The following TNFSF4 variants were observed in gnomAD, a reference collection of about 807,000 sequenced individuals.
The protein encoded by TNFSF4 is tumor necrosis factor ligand superfamily member 4.
TNFSF4 carries 4 observed loss-of-function variants against 7.3 expected under a neutral mutation model. The ratio of observed to expected loss-of-function variants is 0.55; its 90% CI spans 0.27 to 1.25. The LOEUF (loss-of-function observed/expected upper bound fraction) is 1.25, where lower values mean the gene tolerates loss of function less well. TNFSF4 is among the 50% of genes most tolerant of loss of function. The pLI is 0.12. For missense variants in TNFSF4, 181 were observed against 208.8 expected (o/e 0.87, Z 0.82); for synonymous variants, 76 against 83.7 (o/e 0.91, Z 0.50).
At chr1:173,394,935 T>TAGAC in the TNFSF4 span, among the ~76,000 whole-genome samples, 1 of 150,342 alleles carries the variant, frequency 6.7e-6, no homozygotes, top group Admixed American at 6.6e-5. Context: ...GATAGATAGA[T>TAGAC]AGATAGATAG....
At chr1:173,250,283 G>T in the TNFSF4 span, among the ~76,000 whole-genome samples, 3 of 151,964 alleles carry the variant, frequency 2.0e-5, no homozygotes, top group African/African-American at 7.3e-5. Flanking sequence ...TGAATTCTTA[G>T]TTTAACTTAT....
the TNFSF4 span, among the ~76,000 whole-genome samples, chr1:173,360,604 G>A: frequency 6.6e-6 from 1 of 152,114 alleles, no homozygotes; most frequent in Non-Finnish European, 1.5e-5. Flanking sequence ...TACAAAAGGT[G>A]GATAGCTGGA....
the TNFSF4 span, among the ~76,000 whole-genome samples, chr1:173,216,211 G>A: frequency 2.0e-5 from 3 of 152,102 alleles, no homozygotes; most frequent in African/African-American, 7.2e-5. Flanking sequence ...CATCAGCAGG[G>A]TAGGAATCCC....
chr1:173,439,696 GCTGT>G, the TNFSF4 span, among the ~76,000 whole-genome samples: 7 of 152,276 alleles, frequency 4.6e-5, no homozygotes, highest in East Asian at 7.7e-4. Context: ...AGGGACACAG[GCTGT>G]CTAAGTCAAC....
intron 2 of TNFSF4, among the ~76,000 whole-genome samples, chr1:173,187,185 G>A (rs1352736973): frequency 6.6e-6 from 1 of 152,172 alleles, no homozygotes; most frequent in Non-Finnish European, 1.5e-5. Flanking sequence ...TCTCAGATGG[G>A]GCTGAGATTC....
chr1:173,313,616 T>C, the TNFSF4 span, among the ~76,000 whole-genome samples: 1 of 151,884 alleles, frequency 6.6e-6, no homozygotes, highest in Non-Finnish European at 1.5e-5. Flanking sequence ...TTCTCTCGGT[T>C]TTTCTTCTTT....
intron 1 of TNFSF4, among the ~76,000 whole-genome samples, chr1:173,202,096 A>AAAG (rs140012776): frequency 0.095 from 14,255 of 149,306 alleles, 847 homozygotes; most frequent in African/African-American, 0.15. Flanking sequence ...CATATATATA[A>AAAG]AAGAAGAAGA....
chr1:173,204,736 ACACCAC>A (rs561791275), intron 1 of TNFSF4, among the ~76,000 whole-genome samples: 5 of 151,808 alleles, frequency 3.3e-5, no homozygotes, highest in African/African-American at 7.3e-5. Context: ...ATCACTACCA[ACACCAC>A]CACCACCACC....
chr1:173,339,856 C>A, the TNFSF4 span, among the ~76,000 whole-genome samples: 1 of 152,042 alleles, frequency 6.6e-6, no homozygotes. Context: ...TAGATAGATG[C>A]CAAGTTAATC....
chr1:173,438,767 G>A, the TNFSF4 span, among the ~76,000 whole-genome samples: 2 of 151,968 alleles, frequency 1.3e-5, no homozygotes, highest in Non-Finnish European at 2.9e-5. Context: ...TCATGCTTAA[G>A]GTCTGAAGAA....
At chr1:173,362,634 G>A in the TNFSF4 span, 1 of 466,990 alleles carries the variant, frequency 2.1e-6, no homozygotes, top group Non-Finnish European at 4.2e-6. Context: ...GGTGATTAAA[G>A]GTCCTATGTC....
At chr1:173,299,521 T>G in the TNFSF4 span, among the ~76,000 whole-genome samples, 5 of 152,018 alleles carry the variant, frequency 3.3e-5, no homozygotes, top group Admixed American at 2.6e-4. Context: ...ACGGGAAATA[T>G]TCAAACAAAT....
the TNFSF4 span, among the ~76,000 whole-genome samples, chr1:173,235,286 G>A: frequency 6.6e-6 from 1 of 152,170 alleles, no homozygotes; most frequent in East Asian, 1.9e-4. Flanking sequence ...GGTGGAGAGA[G>A]CAGAATTAAA....
At chr1:173,300,192 CATACATACATAT>C in the TNFSF4 span, among the ~76,000 whole-genome samples, 1 of 151,102 alleles carries the variant, frequency 6.6e-6, no homozygotes, top group African/African-American at 2.4e-5. Flanking sequence ...TACATACATA[CATACATACATAT>C]AAGATAAAAG....
chr1:173,388,107 T>C, the TNFSF4 span, among the ~76,000 whole-genome samples: 1 of 152,248 alleles, frequency 6.6e-6, no homozygotes, highest in East Asian at 1.9e-4. Flanking sequence ...CATCTAGAAT[T>C]CTTGACACAC....
At chr1:173,372,317 G>A in the TNFSF4 span, among the ~76,000 whole-genome samples, 1 of 152,110 alleles carries the variant, frequency 6.6e-6, no homozygotes, top group South Asian at 2.1e-4. Flanking sequence ...CTCTAATCAA[G>A]GAGACCCAGA....
intron 1 of TNFSF4, among the ~76,000 whole-genome samples, chr1:173,190,377 T>C (rs4081545): frequency 0.46 from 70,377 of 152,096 alleles, 19,798 homozygotes; most frequent in African/African-American, 0.79. Context: ...GCATATTCCA[T>C]TGGCACCTGC....
chr1:173,282,284 T>C, the TNFSF4 span, among the ~76,000 whole-genome samples: 1 of 152,070 alleles, frequency 6.6e-6, no homozygotes, highest in Non-Finnish European at 1.5e-5. Context: ...TGCATACATG[T>C]ACCAAAATAT....
the TNFSF4 span, among the ~76,000 whole-genome samples, chr1:173,230,085 A>G: frequency 6.6e-6 from 1 of 152,340 alleles, no homozygotes; most frequent in Admixed American, 6.5e-5. Context: ...AAGAAGACCC[A>G]ATAGACATCT....
Sources: gnomAD v4.1 joint callset for allele counts (sites outside exome capture counted in the v4.1 genomes callset) on GRCh38, gnomAD v4.1.1 for gene constraint, MANE v1.5 for transcripts, NCBI Gene and HGNC (gene_info 2026-07-23, HGNC 2026-07-21) for gene names.